Variants in MICU1 observed in about 807,000 individuals in gnomAD.
The protein encoded by MICU1 is mitochondrial calcium uptake 1, also known as calcium uptake protein 1, mitochondrial.
MICU1 carries 45 observed loss-of-function variants against 56.8 expected under a neutral mutation model. That is an observed-to-expected ratio of 0.79 (90% CI 0.62 to 1.02). The LOEUF is 1.02. Ranked by LOEUF, MICU1 falls within the 50% of genes least tolerant of loss-of-function variation. The pLI, the probability that MICU1 is intolerant of heterozygous loss-of-function variation, is 0.00. For synonymous variants in MICU1, 186 were observed against 195.1 expected (o/e 0.95, Z 0.39); for missense variants, 504 against 587.1 (o/e 0.86, Z 1.46).
At chr10:72,494,634 T>C (rs1229398227) in intron 6 of MICU1, among the ~76,000 whole-genome samples, 2 of 150,888 alleles carry the variant, frequency 1.3e-5, no homozygotes, top group Non-Finnish European at 2.9e-5. Flanking sequence ...CTAAATAATA[T>C]GAAATACTAC....
chr10:72,466,667 T>C (rs1016260525), intron 8 of MICU1, among the ~76,000 whole-genome samples: 3 of 152,208 alleles, frequency 2.0e-5, no homozygotes, highest in Admixed American at 2.0e-4. Flanking sequence ...GGGCTATCAG[T>C]GCAAAAAGAA....
chr10:72,518,780 A>G (rs1453451119), intron 5 of MICU1, among the ~76,000 whole-genome samples: 1 of 152,148 alleles, frequency 6.6e-6, no homozygotes, highest in African/African-American at 2.4e-5. Flanking sequence ...TCCTGGGTTC[A>G]AGCGATTCTC....
Position 72,543,684 on chromosome 10 carries a change from T to A in MICU1, c.493+7495A>T, listed in dbSNP as rs1839828781. On this transcript the variant is annotated intron_variant, in intron 4 of 11. Coordinates refer to ENST00000361114, the MANE Select transcript of MICU1 (RefSeq NM_001195518.2). Reference sequence around the variant, plus strand: ...TCCTGGCTAACACGGTGAAACCCCATCTCTACCAAAAATACAAAAAATTGG... The same window carrying A: ...TCCTGGCTAACACGGTGAAACCCCAACTCTACCAAAAATACAAAAAATTGG... Among the ~76,000 whole-genome samples, 3 of 152,070 alleles carry A rather than the reference T, an allele frequency of 2.0e-5. No homozygotes were observed. In the South Asian group the frequency reaches 6.2e-4, roughly 32 times the overall value.
Position 72,381,000 on chromosome 10 carries a change from C to T in MICU1, c.1181-5128G>A, listed in dbSNP as rs749965910. Among the ~76,000 whole-genome samples the T allele has an allele frequency of 9.9e-5, 15 of 152,206 alleles. No individual in the cohort carries two copies. The East Asian group carries it at 1.2e-3, about 12-fold the overall frequency. The stretch of plus-strand genomic sequence containing the variant: ...CTGAGTATTCCCTAGGAACTCATAC[C>T]GACAATTTTAGGGACAACTTAAAAA... On this transcript the variant is annotated intron_variant, in intron 10 of 11. Transcript: ENST00000361114.
chr10:72,584,280 T>C (rs1840984393), intron 1 of MICU1, among the ~76,000 whole-genome samples: 1 of 151,600 alleles, frequency 6.6e-6, no homozygotes, highest in Non-Finnish European at 1.5e-5. Flanking sequence ...AAGGAAGAAG[T>C]AGTAAAGGGT....
chr10:72,482,042 T>A (rs1390509968), intron 6 of MICU1, among the ~76,000 whole-genome samples: 1 of 152,224 alleles, frequency 6.6e-6, no homozygotes, highest in Non-Finnish European at 1.5e-5. Flanking sequence ...TTTTCTGTTT[T>A]GTTTTAGTAA....
At chr10:72,382,264 C>T (rs561280838) in intron 10 of MICU1, among the ~76,000 whole-genome samples, 2 of 145,198 alleles carry the variant, frequency 1.4e-5, no homozygotes, top group Non-Finnish European at 3.1e-5. Flanking sequence ...TGCCTGCCAC[C>T]ACGTCCGGCT....
At chr10:72,469,397 AG>A (rs1247995473) in intron 8 of MICU1, among the ~76,000 whole-genome samples, 1 of 152,260 alleles carries the variant, frequency 6.6e-6, no homozygotes. Flanking sequence ...AAAGTTATTA[AG>A]ATACTACTAA....
intron 6 of MICU1, among the ~76,000 whole-genome samples, chr10:72,489,295 C>T (rs1206769538): frequency 8.9e-6 from 1 of 111,814 alleles, no homozygotes; most frequent in Non-Finnish European, 1.5e-5. Context: ...CTCTGTCACA[C>T]ACACACACAC....
Position 72,562,882 on chromosome 10 carries a change from C to T in MICU1, c.330+13G>A. Reference sequence around the variant, plus strand: ...ATATACTTCTGATCAACTTATAAGACTATGTTTCATACTTTTCTGTCTCTG... The same window carrying T: ...ATATACTTCTGATCAACTTATAAGATTATGTTTCATACTTTTCTGTCTCTG... On this transcript the variant is annotated intron_variant, in intron 3 of 11. Coordinates refer to ENST00000361114, the MANE Select transcript of MICU1 (RefSeq NM_001195518.2). The T allele has an allele frequency of 6.4e-7, 1 of 1,569,250 alleles. No homozygotes were observed. The highest frequency in any genetic ancestry group is 8.6e-7 in the Non-Finnish European group (1 of 1,162,268).
chr10:72,401,689 C>T (rs1863461038), intron 10 of MICU1, among the ~76,000 whole-genome samples: 1 of 152,120 alleles, frequency 6.6e-6, no homozygotes, highest in East Asian at 1.9e-4. Context: ...ATTTCCATCA[C>T]TTCACATAGT....
chr10:72,386,221 G>A (rs113418719), intron 10 of MICU1, among the ~76,000 whole-genome samples: 10,871 of 151,936 alleles, frequency 0.072, 1,334 homozygotes, highest in African/African-American at 0.25. Flanking sequence ...TCGCTCTGTC[G>A]CCCAGGCTGG....
Position 72,382,266 on chromosome 10 carries a change from C to A in MICU1, c.1181-6394G>T, listed in dbSNP as rs528752174. ...CTGGGATTACAGGTGCCTGCCACCA[C>A]GTCCGGCTAATTTTTTTTTTTTTTT... On this transcript the variant is annotated intron_variant, in intron 10 of 11. Transcript: ENST00000361114. Among the ~76,000 whole-genome samples, 15 of 140,970 alleles carry A rather than the reference C, an allele frequency of 1.1e-4. No individual in the cohort carries two copies. In the South Asian group the frequency reaches 3.5e-3, roughly 33 times the overall value. 92.5% of individuals were successfully genotyped at this position (140,970 alleles called of 152,430 possible). A position where few individuals can be genotyped will look rare whatever the true frequency, so the allele number is the denominator to read the frequency against.
chr10:72,533,034 T>C, intron 5 of MICU1: 1 of 1,289,378 alleles, frequency 7.8e-7, no homozygotes, highest in South Asian at 1.2e-5. Flanking sequence ...TGACTTCCTG[T>C]TCATTGTGCT....
At chr10:72,392,266 A>G (rs1863102330) in intron 10 of MICU1, among the ~76,000 whole-genome samples, 1 of 152,072 alleles carries the variant, frequency 6.6e-6, no homozygotes, top group South Asian at 2.1e-4. Flanking sequence ...AACTATTTTT[A>G]TCTTTATTTA....
chr10:72,604,737 T>C (rs1022309847), intron 1 of MICU1, among the ~76,000 whole-genome samples: 25 of 152,204 alleles, frequency 1.6e-4, no homozygotes, highest in African/African-American at 5.8e-4. Context: ...TAGGTAAATA[T>C]GTGTTGCTGT....
At chr10:72,372,576 T>C (rs7918472) in intron 11 of MICU1, among the ~76,000 whole-genome samples, 15,583 of 152,216 alleles carry the variant, frequency 0.1, 2,101 homozygotes, top group African/African-American at 0.31. Flanking sequence ...TGGTGGCTCA[T>C]GCCTGTAATC....
At chr10:72,473,610 C>T (rs758683892) in intron 8 of MICU1, among the ~76,000 whole-genome samples, 1 of 152,096 alleles carries the variant, frequency 6.6e-6, no homozygotes, top group Non-Finnish European at 1.5e-5. Flanking sequence ...TTAGACACTC[C>T]AGTGCACCGA....
intron 10 of MICU1, among the ~76,000 whole-genome samples, chr10:72,397,490 A>G (rs1863307670): frequency 6.6e-6 from 1 of 152,232 alleles, no homozygotes; most frequent in Non-Finnish European, 1.5e-5. Context: ...AGACTGGCAA[A>G]TTGGATAAAG....
Sources: gnomAD v4.1 joint callset for allele counts (sites outside exome capture counted in the v4.1 genomes callset) on GRCh38, gnomAD v4.1.1 for gene constraint, MANE v1.5 for transcripts, NCBI Gene and HGNC (gene_info 2026-07-23, HGNC 2026-07-21) for gene names.